LINGO2: variants seen among roughly 807,000 people sequenced by gnomAD.
LINGO2 encodes leucine-rich repeat and immunoglobulin-like domain-containing nogo receptor-interacting protein 2.
A neutral mutation model predicts 30.6 loss-of-function variants in LINGO2; 14 were observed. The ratio of observed to expected loss-of-function variants is 0.46; its 90% CI spans 0.30 to 0.72. LINGO2 has a LOEUF of 0.72. Ranked by LOEUF, LINGO2 falls within the 30% of genes least tolerant of loss-of-function variation. LINGO2 has a pLI of 0.07. For missense variants in LINGO2, 729 were observed against 751.7 expected (o/e 0.97, Z 0.35); for synonymous variants, 317 against 288.5 (o/e 1.10, Z -1.00).
the LINGO2 span, among the ~76,000 whole-genome samples, chr9:28,826,844 A>G: frequency 2.0e-5 from 3 of 152,170 alleles, no homozygotes; most frequent in African/African-American, 7.2e-5. Context: ...AAGTAAAACA[A>G]TGGGACAATC....
At chr9:28,433,949 C>CTCTCTATATATA (rs1225323260) in intron 2 of LINGO2, among the ~76,000 whole-genome samples, 1 of 88,480 alleles carries the variant, frequency 1.1e-5, no homozygotes, top group African/African-American at 4.5e-5. Context: ...CTCTCTCTCT[C>CTCTCTATATATA]TATATATATA....
At chr9:29,157,659 C>T in the LINGO2 span, among the ~76,000 whole-genome samples, 1 of 152,264 alleles carries the variant, frequency 6.6e-6, no homozygotes, top group East Asian at 1.9e-4. Flanking sequence ...TTTAAATCTA[C>T]CAGTAATGTG....
intron 1 of LINGO2, among the ~76,000 whole-genome samples, chr9:28,509,815 G>C (rs749970374): frequency 2.0e-5 from 3 of 152,208 alleles, no homozygotes; most frequent in Admixed American, 6.5e-5. Flanking sequence ...TAGTCATACA[G>C]TCTGTGGTAT....
chr9:28,180,616 A>T (rs1828884876), intron 4 of LINGO2, among the ~76,000 whole-genome samples: 1 of 152,188 alleles, frequency 6.6e-6, no homozygotes, highest in South Asian at 2.1e-4. Context: ...AATGACTGCT[A>T]ACAGCTTAAA....
At chr9:28,862,747 C>A in the LINGO2 span, among the ~76,000 whole-genome samples, 1 of 151,966 alleles carries the variant, frequency 6.6e-6, no homozygotes, top group Non-Finnish European at 1.5e-5. Context: ...ATAGTCATAC[C>A]ATTGAACTTA....
intron 4 of LINGO2, among the ~76,000 whole-genome samples, chr9:28,053,451 A>G (rs1357428182): frequency 1.3e-5 from 2 of 152,130 alleles, no homozygotes; most frequent in East Asian, 3.9e-4. Flanking sequence ...ATACGAATAA[A>G]TGGTAGTTGT....
the LINGO2 span, among the ~76,000 whole-genome samples, chr9:28,930,869 C>G: frequency 6.6e-6 from 1 of 152,168 alleles, no homozygotes; most frequent in African/African-American, 2.4e-5. The surrounding 1 kb of genome is among the most constrained non-coding windows in gnomAD (Gnocchi z 4.2). Flanking sequence ...AGGGATTAGT[C>G]AATCACCTGT....
intron 5 of LINGO2, among the ~76,000 whole-genome samples, chr9:27,993,771 T>C (rs1821514773): frequency 6.6e-6 from 1 of 152,060 alleles, no homozygotes; most frequent in African/African-American, 2.4e-5. Context: ...TTACCCCTAG[T>C]ACCTAGTAAA....
At chr9:28,328,030 G>A (rs183756441) in intron 3 of LINGO2, among the ~76,000 whole-genome samples, 1 of 152,274 alleles carries the variant, frequency 6.6e-6, no homozygotes, top group Admixed American at 6.5e-5. Flanking sequence ...CCCTGTGAAT[G>A]TGTGCATCAG....
intron 4 of LINGO2, among the ~76,000 whole-genome samples, chr9:28,254,076 C>T (rs10812766): frequency 4.6e-5 from 7 of 151,818 alleles, no homozygotes; most frequent in Non-Finnish European, 8.8e-5. Context: ...ATTTCATGGC[C>T]GTGTGACAAG....
At chr9:28,056,294 T>G (rs1470844419) in intron 4 of LINGO2, among the ~76,000 whole-genome samples, 2 of 152,136 alleles carry the variant, frequency 1.3e-5, no homozygotes, top group Admixed American at 6.6e-5. Flanking sequence ...GGTGGCAGAC[T>G]CAATTTGTCA....
intron 4 of LINGO2, among the ~76,000 whole-genome samples, chr9:28,150,533 G>T (rs62556553): frequency 6.6e-6 from 1 of 151,992 alleles, no homozygotes; most frequent in South Asian, 2.1e-4. Context: ...GCAGTGAGCC[G>T]AGATCGCACC....
the LINGO2 span, among the ~76,000 whole-genome samples, chr9:29,176,137 T>C: frequency 6.6e-6 from 1 of 152,208 alleles, no homozygotes; most frequent in East Asian, 1.9e-4. Flanking sequence ...ACATTTCATA[T>C]TCATAACAAT....
In LINGO2 at chr9:28,215,826, C is replaced by T. The variant is rs905780908; in HGVS notation, c.-87+79382G>A. The stretch of plus-strand genomic sequence containing the variant: ...TTGCTAATGCATTCTGTGCACCTGT[C>T]GGTTGGCAGAGAAAACAGACTTAAA... On this transcript the variant is annotated intron_variant, in intron 4 of 5. Transcript: ENST00000379992. Among the ~76,000 whole-genome samples the T allele has an allele frequency of 5.3e-5, 8 of 151,740 alleles. No individual in the cohort carries two copies. The East Asian group carries it at 7.7e-4, about 15-fold the overall frequency.
the LINGO2 span, among the ~76,000 whole-genome samples, chr9:28,706,082 T>A: frequency 6.6e-6 from 1 of 152,122 alleles, no homozygotes; most frequent in Admixed American, 6.6e-5. Context: ...CTGTATACCA[T>A]TGATTTTGTA....
the LINGO2 span, among the ~76,000 whole-genome samples, chr9:28,746,701 C>T: frequency 6.6e-6 from 1 of 151,822 alleles, no homozygotes; most frequent in East Asian, 1.9e-4. Flanking sequence ...AAGGAAATAA[C>T]ATAAATAAAA....
intron 1 of LINGO2, among the ~76,000 whole-genome samples, chr9:28,572,925 C>T (rs1375352110): frequency 6.6e-6 from 1 of 152,012 alleles, no homozygotes; most frequent in Admixed American, 6.6e-5. Context: ...ATAAAGATGC[C>T]ATTTTACTGC....
intron 3 of LINGO2, among the ~76,000 whole-genome samples, chr9:28,306,362 G>C (rs1219368882): frequency 6.6e-6 from 1 of 152,066 alleles, no homozygotes; most frequent in Non-Finnish European, 1.5e-5. Context: ...CAGAAATAAG[G>C]ATGTTCTTTG....
chr9:28,552,290 T>C (rs547727777), intron 1 of LINGO2, among the ~76,000 whole-genome samples: 64 of 152,116 alleles, frequency 4.2e-4, no homozygotes, highest in Admixed American at 2.4e-3. Flanking sequence ...AGATTTCTTG[T>C]CCTCTTTCTT....
Sources: gnomAD v4.1 joint callset for allele counts (sites outside exome capture counted in the v4.1 genomes callset) on GRCh38, gnomAD v4.1.1 for gene constraint, Gnocchi (gnomAD v3.1) non-coding constraint, MANE v1.5 for transcripts, NCBI Gene and HGNC (gene_info 2026-07-23, HGNC 2026-07-21) for gene names.